Variants in NAALADL2 observed in about 807,000 individuals in gnomAD.
NAALADL2 encodes inactive N-acetylated-alpha-linked acidic dipeptidase-like protein 2.
NAALADL2 carries 76 observed loss-of-function variants against 87.2 expected under a neutral mutation model. That is an observed-to-expected ratio of 0.87 (90% CI 0.72 to 1.05). The LOEUF (loss-of-function observed/expected upper bound fraction) is 1.05. Among genes scored for constraint, NAALADL2 ranks in the 50% least tolerant of loss-of-function variants. The pLI is 0.00. For missense variants in NAALADL2, 1,089 were observed against 945.8 expected (o/e 1.15, Z -1.99); for synonymous variants, 354 against 331.0 (o/e 1.07, Z -0.75).
chr3:174,697,838 T>A (rs1435931820), intron 2 of NAALADL2, among the ~76,000 whole-genome samples: 2 of 152,162 alleles, frequency 1.3e-5, no homozygotes, highest in African/African-American at 4.8e-5. Context: ...ATGCCTGTAA[T>A]CCCAGCACTT....
chr3:175,588,542 T>TTC (rs952117138), intron 10 of NAALADL2, among the ~76,000 whole-genome samples: 6 of 132,278 alleles, frequency 4.5e-5, no homozygotes, highest in Admixed American at 1.5e-4. Flanking sequence ...TTCTTTTTTT[T>TTC]TTTTTTTTTT....
intron 1 of NAALADL2, among the ~76,000 whole-genome samples, chr3:175,040,386 A>T (rs1023662142): frequency 1.3e-5 from 2 of 152,194 alleles, no homozygotes; most frequent in African/African-American, 4.8e-5. Context: ...CAAAATAGGC[A>T]GTCAATATTT....
At chr3:175,624,835 T>G (rs1726762284) in intron 10 of NAALADL2, among the ~76,000 whole-genome samples, 1 of 151,996 alleles carries the variant, frequency 6.6e-6, no homozygotes, top group South Asian at 2.1e-4. Flanking sequence ...AAGATTGGCA[T>G]TATAATTAAT....
Position 175,759,431 on chromosome 3 carries a change from C to T in NAALADL2, c.2189+4013C>T, listed in dbSNP as rs375173577. The stretch of plus-strand genomic sequence containing the variant: ...GGAGTGCAGTGGCACAATCTCGGCT[C>T]ACCACTACCTCCACCTCCGGGGTTC... On this transcript the variant is annotated intron_variant, in intron 13 of 13. Transcript: ENST00000454872. Among the ~76,000 whole-genome samples the T allele has an allele frequency of 7.9e-5, 12 of 151,276 alleles. No individual in the cohort carries two copies. In the East Asian group the frequency reaches 2.0e-3, roughly 25 times the overall value.
chr3:175,638,312 T>A (rs1728823158), intron 11 of NAALADL2, among the ~76,000 whole-genome samples: 1 of 152,172 alleles, frequency 6.6e-6, no homozygotes, highest in African/African-American at 2.4e-5. Flanking sequence ...TATCCACTTA[T>A]TTCTTCAGAG....
intron 9 of NAALADL2, among the ~76,000 whole-genome samples, chr3:175,551,850 G>A (rs140227613): frequency 0.013 from 2,008 of 150,326 alleles, 37 homozygotes; most frequent in African/African-American, 0.044. Flanking sequence ...GTGAACCTGG[G>A]AGGTGGAGCT....
intron 1 of NAALADL2, among the ~76,000 whole-genome samples, chr3:174,505,684 A>AT (rs1193547388): frequency 6.6e-6 from 1 of 152,098 alleles, no homozygotes; most frequent in Non-Finnish European, 1.5e-5. Context: ...AACTCAAGGC[A>AT]TTTTTCTAGT....
At chr3:175,376,866 C>T (rs116670757) in intron 5 of NAALADL2, among the ~76,000 whole-genome samples, 2,620 of 152,232 alleles carry the variant, frequency 0.017, 75 homozygotes, top group African/African-American at 0.059. Context: ...TTTACATTTA[C>T]TGAACTCTTC....
chr3:174,536,788 G>A (rs867177302), intron 1 of NAALADL2: 3 of 152,180 alleles, frequency 2.0e-5, no homozygotes, highest in South Asian at 4.1e-4. Context: ...TTGTAAAATA[G>A]CATCCAGATG....
At chr3:174,508,334 C>G (rs542602435) in intron 1 of NAALADL2, among the ~76,000 whole-genome samples, 7 of 151,930 alleles carry the variant, frequency 4.6e-5, no homozygotes, top group Non-Finnish European at 1.0e-4. Flanking sequence ...AGGATGGTCT[C>G]GATCTCCTGA....
At chr3:175,263,080 C>T (rs1202199299) in intron 4 of NAALADL2, among the ~76,000 whole-genome samples, 1 of 150,772 alleles carries the variant, frequency 6.6e-6, no homozygotes, top group Non-Finnish European at 1.5e-5. Flanking sequence ...TCATGGACAA[C>T]ATGGTCAGCA....
chr3:174,460,796 A>T (rs1315217821), intron 1 of NAALADL2, among the ~76,000 whole-genome samples: 1 of 152,028 alleles, frequency 6.6e-6, no homozygotes, highest in Non-Finnish European at 1.5e-5. Flanking sequence ...AAAATTTTAA[A>T]TTAGTGTGAG....
chr3:175,720,979 G>C (rs1351825425), intron 11 of NAALADL2, among the ~76,000 whole-genome samples: 1 of 151,946 alleles, frequency 6.6e-6, no homozygotes, highest in Non-Finnish European at 1.5e-5. Context: ...AAGAACTAAT[G>C]GTGTGCCAAA....
chr3:174,898,715 C>T (rs1677062446), intron 1 of NAALADL2, among the ~76,000 whole-genome samples: 2 of 151,868 alleles, frequency 1.3e-5, no homozygotes, highest in African/African-American at 2.4e-5. Flanking sequence ...CTAAAGTATT[C>T]ATAGAGCCAT....
chr3:175,131,340 G>T (rs1341289745), intron 2 of NAALADL2, among the ~76,000 whole-genome samples: 2 of 151,894 alleles, frequency 1.3e-5, no homozygotes, highest in Non-Finnish European at 2.9e-5. Flanking sequence ...TGAGATTAGG[G>T]AGTGGTGATG....
chr3:175,677,369 A>G (rs1734940055), intron 11 of NAALADL2, among the ~76,000 whole-genome samples: 2 of 152,092 alleles, frequency 1.3e-5, no homozygotes, highest in Non-Finnish European at 2.9e-5. Context: ...CAAAAAAAAA[A>G]ATAAATAAAA....
intron 4 of NAALADL2, among the ~76,000 whole-genome samples, chr3:175,287,923 C>T (rs1233956795): frequency 1.3e-5 from 2 of 152,038 alleles, no homozygotes. Context: ...AAAATGCTAC[C>T]GATATCTATT....
At chr3:175,001,489 G>A (rs986044900) in intron 1 of NAALADL2, among the ~76,000 whole-genome samples, 1 of 152,082 alleles carries the variant, frequency 6.6e-6, no homozygotes, top group Admixed American at 6.6e-5. Flanking sequence ...ATTTTTCTTG[G>A]TTTAAATAGG....
chr3:175,358,460 A>G (rs1483949854), intron 5 of NAALADL2, among the ~76,000 whole-genome samples: 2 of 152,100 alleles, frequency 1.3e-5, no homozygotes, highest in African/African-American at 4.8e-5. Context: ...ATGCTCTAAG[A>G]AAGCTAAAGA....
Sources: gnomAD v4.1 joint callset for allele counts (sites outside exome capture counted in the v4.1 genomes callset) on GRCh38, gnomAD v4.1.1 for gene constraint, MANE v1.5 for transcripts, NCBI Gene and HGNC (gene_info 2026-07-23, HGNC 2026-07-21) for gene names.